Variants in LRRIQ3 observed in about 807,000 individuals in gnomAD.
LRRIQ3 encodes the protein leucine rich repeats and IQ motif containing 3.
A neutral mutation model predicts 59.3 loss-of-function variants in LRRIQ3; 75 were observed. The ratio of observed to expected loss-of-function variants is 1.26; its 90% CI spans 1.05 to 1.53. LRRIQ3 has a LOEUF of 1.53. LRRIQ3 is among the 40% of genes most tolerant of loss of function. LRRIQ3 has a pLI of 0.00. For synonymous variants in LRRIQ3, 250 were observed against 231.3 expected, an observed-to-expected ratio of 1.08 and a Z score of -0.73; for missense variants, 831 against 710.0, an observed-to-expected ratio of 1.17 and a Z score of -1.94.
chr1:74,090,716 A>G (rs1646385957), intron 5 of LRRIQ3, among the ~76,000 whole-genome samples: 1 of 150,310 alleles, frequency 6.7e-6, no homozygotes, highest in South Asian at 2.1e-4. Flanking sequence ...CCTTGTCTCT[A>G]AAAAAAAAGT....
chr1:74,181,472 C>G (rs1649973148), intron 3 of LRRIQ3: 1 of 151,784 alleles, frequency 6.6e-6, no homozygotes, highest in South Asian at 2.1e-4. Flanking sequence ...TCTCAATGCC[C>G]ACTGCCCAAC....
At chr1:74,094,741 T>C (rs1162608521) in intron 5 of LRRIQ3, among the ~76,000 whole-genome samples, 2 of 152,060 alleles carry the variant, frequency 1.3e-5, no homozygotes, top group African/African-American at 4.8e-5. Flanking sequence ...GGAAGAGAGA[T>C]ATGATAGATA....
intron 3 of LRRIQ3, chr1:74,181,651 T>C (rs954268307): frequency 1.4e-4 from 22 of 151,868 alleles, no homozygotes; most frequent in African/African-American, 4.8e-4. Context: ...GTTTTTTATA[T>C]TTTTAACTAT....
chr1:74,197,659 T>C (rs1489146658), intron 1 of LRRIQ3, among the ~76,000 whole-genome samples: 1 of 152,144 alleles, frequency 6.6e-6, no homozygotes. Flanking sequence ...TGAGAGGCTG[T>C]CGTGTGTAGC....
At chr1:74,155,635 G>T (rs1054197150) in intron 4 of LRRIQ3, 98 bp downstream of exon 4, 2 of 1,097,514 alleles carry the variant, frequency 1.8e-6, no homozygotes, top group Admixed American at 5.9e-5. Context: ...TAATGATAGA[G>T]AATACAAAAA....
At chr1:74,088,050 G>A (rs190296583) in intron 5 of LRRIQ3, among the ~76,000 whole-genome samples, 13 of 152,010 alleles carry the variant, frequency 8.6e-5, no homozygotes, top group African/African-American at 1.2e-4. Context: ...TGGAGATTGC[G>A]CCACTGCACT....
rs138891764 is a variant in LRRIQ3, at chr1:74,139,636, T to C, written c.707+16097A>G. 3.5e-3 allele frequency among the ~76,000 whole-genome samples: 535 copies of C among 152,064 alleles called. 5 individuals carry two copies. The highest frequency in any genetic ancestry group is 0.012 in the African/African-American group (494 of 41,518). ...GAGTAACATCCCATGGCATCTCTTCTGTGCTTAAACACTTGTAATGGCTTG... is the reference window on the plus strand; with the variant it reads ...GAGTAACATCCCATGGCATCTCTTCCGTGCTTAAACACTTGTAATGGCTTG... On this transcript the variant is annotated intron_variant, in intron 4 of 7. Coordinates refer to ENST00000354431, the MANE Select transcript of LRRIQ3 (RefSeq NM_001105659.2).
intron 3 of LRRIQ3, among the ~76,000 whole-genome samples, chr1:74,163,911 C>CT (rs895535865): frequency 5.1e-4 from 76 of 150,414 alleles, no homozygotes; most frequent in African/African-American, 7.5e-4. Context: ...TATTGTCACT[C>CT]TTTTTTTTTA....
At chr1:74,102,877 A>G (rs1397290748) in intron 5 of LRRIQ3, among the ~76,000 whole-genome samples, 1 of 151,968 alleles carries the variant, frequency 6.6e-6, no homozygotes, top group African/African-American at 2.4e-5. Flanking sequence ...AACCTTTCTT[A>G]TCCACATATA....
At chr1:74,058,126 A>C (rs1654592275) in intron 6 of LRRIQ3, among the ~76,000 whole-genome samples, 1 of 152,138 alleles carries the variant, frequency 6.6e-6, no homozygotes, top group Admixed American at 6.5e-5. Context: ...TGTTGGTAGG[A>C]GCATACATTA....
chr1:74,121,621 T>C (rs894390262), intron 4 of LRRIQ3, among the ~76,000 whole-genome samples: 4 of 152,188 alleles, frequency 2.6e-5, no homozygotes, highest in African/African-American at 9.6e-5. Context: ...TTAGGGTGCA[T>C]GTGCACAACG....
chr1:74,056,814 C>T (rs544013287), intron 6 of LRRIQ3, among the ~76,000 whole-genome samples: 1 of 152,230 alleles, frequency 6.6e-6, no homozygotes, highest in African/African-American at 2.4e-5. Flanking sequence ...AACCAAGTCT[C>T]AACTTGAATT....
chr1:74,198,151 A>T lies in LRRIQ3; in HGVS notation c.-156T>A. 1.3e-6 allele frequency: 2 copies of T among 1,500,492 alleles called. No individual in the cohort carries two copies. The highest frequency in any genetic ancestry group is 1.8e-6 in the Non-Finnish European group (2 of 1,128,244). 92.9% of individuals were successfully genotyped at this position (1,500,492 alleles called of 1,614,324 possible). On this transcript the variant is annotated 5_prime_UTR_variant, in exon 1 of 8. Transcript: ENST00000354431. The stretch of plus-strand genomic sequence containing the variant: ...TCCACATCATGGTTTTCCGGGCGCC[A>T]GCCAAGGCGCTCCGGGGGCGTGGTT...
intron 6 of LRRIQ3, among the ~76,000 whole-genome samples, chr1:74,063,147 ACAAC>A (rs1654775278): frequency 2.0e-5 from 3 of 151,286 alleles, no homozygotes; most frequent in Non-Finnish European, 4.4e-5. Context: ...AACAACAACA[ACAAC>A]AAAACGAGGA....
chr1:74,121,014 G>T (rs139166046), intron 4 of LRRIQ3, among the ~76,000 whole-genome samples: 178 of 152,168 alleles, frequency 1.2e-3, no homozygotes, highest in African/African-American at 4.0e-3. Flanking sequence ...ACCCTGTCAT[G>T]TATTAGAATT....
chr1:74,035,559 T>G (rs984147612), intron 7 of LRRIQ3, among the ~76,000 whole-genome samples: 1 of 152,128 alleles, frequency 6.6e-6, no homozygotes, highest in Non-Finnish European at 1.5e-5. Context: ...CAATTTCTAT[T>G]TTTGCAATTC....
At chr1:74,068,028 A>G (rs1266084112) in intron 6 of LRRIQ3, among the ~76,000 whole-genome samples, 4 of 152,068 alleles carry the variant, frequency 2.6e-5, no homozygotes, top group Admixed American at 2.6e-4. Context: ...TTCTTGCCTT[A>G]GAGACATAAA....
intron 6 of LRRIQ3, among the ~76,000 whole-genome samples, chr1:74,046,948 C>T (rs1654222444): frequency 6.6e-6 from 1 of 152,098 alleles, no homozygotes; most frequent in South Asian, 2.1e-4. Flanking sequence ...AGTCAGGAAA[C>T]AACAGATGCT....
At chr1:74,131,914 T>C (rs1055157917) in intron 4 of LRRIQ3, among the ~76,000 whole-genome samples, 1 of 151,998 alleles carries the variant, frequency 6.6e-6, no homozygotes, top group African/African-American at 2.4e-5. Flanking sequence ...GGGTATTCAA[T>C]TAGGAAAAGA....
Sources: allele counts gnomAD v4.1 joint callset (sites outside exome capture counted in the v4.1 genomes callset), GRCh38; gene constraint gnomAD v4.1.1; transcripts MANE v1.5; gene names NCBI Gene and HGNC (gene_info 2026-07-23, HGNC 2026-07-21).